CDH2: variants seen among roughly 807,000 people sequenced by gnomAD.
CDH2 encodes the protein cadherin-2.
CDH2 carries 17 observed loss-of-function variants against 92.0 expected under a neutral mutation model. That is an observed-to-expected ratio of 0.18 (90% CI 0.13 to 0.28). The LOEUF (loss-of-function observed/expected upper bound fraction) is 0.28. CDH2 is among the 10% of genes least tolerant of loss of function. The pLI is 1.00. For missense variants in CDH2, 862 were observed against 1,133.1 expected, an observed-to-expected ratio of 0.76 and a Z score of 3.44; for synonymous variants, 419 against 415.9, an observed-to-expected ratio of 1.01 and a Z score of -0.09.
chr18:28,009,948 T>C, intron 4 of CDH2, 76 bp from the exon 5 acceptor site: 1 of 1,164,758 alleles, frequency 8.6e-7, no homozygotes, highest in African/African-American at 1.5e-5. Context: ...ACATCACACT[T>C]CATGCCCTTT....
chr18:27,937,279 T>G (rs1909040937), intron 6 of CDH2, among the ~76,000 whole-genome samples: 1 of 152,066 alleles, frequency 6.6e-6, no homozygotes, highest in Non-Finnish European at 1.5e-5. Flanking sequence ...TAAAAGAAAA[T>G]GTAGCGGTTC....
intron 2 of CDH2, among the ~76,000 whole-genome samples, chr18:28,029,097 A>G (rs1228275913): frequency 6.6e-6 from 1 of 152,146 alleles, no homozygotes; most frequent in African/African-American, 2.4e-5. Context: ...GAATTATTGC[A>G]TAAACCCTAG....
chr18:28,133,278 A>C (rs2015802851), intron 2 of CDH2, among the ~76,000 whole-genome samples: 1 of 152,176 alleles, frequency 6.6e-6, no homozygotes, highest in Non-Finnish European at 1.5e-5. Flanking sequence ...AAAACTAAAG[A>C]AAATTTATAA....
chr18:27,985,551 T>C lies in CDH2; in HGVS notation c.1952A>G (p.Asn651Ser). ...ACCATTAAGCCGAGTGATGGTCCAA[T>C]TTCTCTTAATAGTCACTGGAGATAA... ...LPLSPVTIKRNWTITRLNGDF... is the reference protein window; with the variant it reads ...LPLSPVTIKRSWTITRLNGDF... The change falls in exon 12 of 16, where the codon AAT becomes AGT. Residue 651 changes from asparagine to serine, a missense_variant. By Grantham distance (46) the Asn-to-Ser change is conservative. Around this residue, in one of 5 missense-constraint regions of CDH2, gnomAD observed 564 missense variants for 722.2 expected, o/e 0.78. Coordinates refer to ENST00000269141, the MANE Select transcript of CDH2 (RefSeq NM_001792.5). 6.2e-7 allele frequency: 1 copy of C among 1,611,914 alleles called. No homozygotes were observed. The highest frequency in any genetic ancestry group is 8.5e-7 in the Non-Finnish European group (1 of 1,178,006).
intron 2 of CDH2, among the ~76,000 whole-genome samples, chr18:28,043,245 C>A (rs2013984519): frequency 6.6e-6 from 1 of 151,544 alleles, no homozygotes; most frequent in South Asian, 2.1e-4. Flanking sequence ...GGGAGCTAAG[C>A]TATGAGGATA....
chr18:28,143,668 T>C (rs2015989308), intron 2 of CDH2, among the ~76,000 whole-genome samples: 1 of 63,448 alleles, frequency 1.6e-5, no homozygotes, highest in Non-Finnish European at 3.0e-5. Context: ...GGCTGGATCC[T>C]TTCTCTGTGT....
intron 15 of CDH2, among the ~76,000 whole-genome samples, chr18:27,963,148 T>G (rs774931530): frequency 1.3e-5 from 2 of 152,244 alleles, no homozygotes; most frequent in Non-Finnish European, 2.9e-5. Context: ...ATGCAGAATC[T>G]TAATTGATAG....
chr18:28,036,935 T>C (rs1197299806), intron 2 of CDH2, among the ~76,000 whole-genome samples: 2 of 152,178 alleles, frequency 1.3e-5, no homozygotes, highest in African/African-American at 4.8e-5. Context: ...TCTAGTGTTT[T>C]CAGCTAGTAA....
chr18:28,005,783 A>G, intron 6 of CDH2, 66 bp downstream of exon 6: 1 of 1,102,004 alleles, frequency 9.1e-7, no homozygotes, highest in Non-Finnish European at 1.3e-6. Context: ...TTTCTTGCTC[A>G]TATAACAGGG....
chr18:28,142,279 T>G (rs997096556), intron 2 of CDH2, among the ~76,000 whole-genome samples: 2 of 151,942 alleles, frequency 1.3e-5, no homozygotes, highest in Admixed American at 1.3e-4. Context: ...CGTTCTAAGT[T>G]TGTGAGGGAA....
intron 2 of CDH2, among the ~76,000 whole-genome samples, chr18:28,141,152 C>T (rs1184056002): frequency 6.6e-6 from 1 of 151,710 alleles, no homozygotes; most frequent in Non-Finnish European, 1.5e-5. Flanking sequence ...AATTAATATA[C>T]AATCCCTCAA....
downstream of CDH2, among the ~76,000 whole-genome samples, chr18:27,949,361 C>G (rs1909354292): frequency 6.6e-6 from 1 of 151,930 alleles, no homozygotes; most frequent in Admixed American, 6.6e-5. Context: ...CAAGACTCTA[C>G]TAGTACTAGA....
chr18:28,150,767 G>A (rs1386869471), intron 1 of CDH2, among the ~76,000 whole-genome samples: 1 of 152,106 alleles, frequency 6.6e-6, no homozygotes, highest in Non-Finnish European at 1.5e-5. Flanking sequence ...TTAAATAGCT[G>A]AAACTTTCCT....
chr18:28,176,917 C>A (rs1400068062), intron 1 of CDH2, 46 bp downstream of exon 1: 2 of 1,148,592 alleles, frequency 1.7e-6, no homozygotes, highest in Non-Finnish European at 2.2e-6. Context: ...CCGGCGCCGC[C>A]CGCCCCACCC....
intron 2 of CDH2, among the ~76,000 whole-genome samples, chr18:28,053,832 T>TC (rs1483644019): frequency 1.3e-5 from 2 of 152,296 alleles, no homozygotes; most frequent in East Asian, 3.9e-4. Flanking sequence ...AATCCAAACA[T>TC]CCCTTGAGGA....
chr18:28,084,553 T>C (rs2014890692), intron 2 of CDH2, among the ~76,000 whole-genome samples: 1 of 151,654 alleles, frequency 6.6e-6, no homozygotes, highest in Non-Finnish European at 1.5e-5. Context: ...GAATAGTACT[T>C]GGAAGTAACA....
intron 2 of CDH2, among the ~76,000 whole-genome samples, chr18:28,093,576 A>C (rs2015074287): frequency 6.6e-6 from 1 of 152,098 alleles, no homozygotes; most frequent in African/African-American, 2.4e-5. Flanking sequence ...AGTTAAAAAA[A>C]AAAAGAAAAC....
intron 1 of CDH2, among the ~76,000 whole-genome samples, chr18:28,156,815 T>C (rs34226422): frequency 1.8e-4 from 24 of 131,900 alleles, no homozygotes; most frequent in East Asian, 2.3e-4. Context: ...TTCCCAGGTA[T>C]AGCATGTCAC....
chr18:27,960,956 G>A (rs2011386399), intron 15 of CDH2, among the ~76,000 whole-genome samples: 1 of 151,876 alleles, frequency 6.6e-6, no homozygotes, highest in Non-Finnish European at 1.5e-5. Context: ...TACTGTGGCC[G>A]AGAAGGGTTG....
Sources: allele counts gnomAD v4.1 joint callset (sites outside exome capture counted in the v4.1 genomes callset), GRCh38; gene constraint gnomAD v4.1.1; regional missense constraint gnomAD v4.1.1; transcripts MANE v1.5; gene names NCBI Gene and HGNC (gene_info 2026-07-23, HGNC 2026-07-21).